Variants in SWI5 observed in about 807,000 individuals in gnomAD.
SWI5 encodes the protein DNA repair protein SWI5 homolog.
Under a neutral mutation model 17.0 loss-of-function variants are expected in SWI5, and 12 were observed. The observed-to-expected ratio is 0.71, with a 90% CI of 0.45 to 1.14. The LOEUF (loss-of-function observed/expected upper bound fraction) is 1.14. SWI5 is among the 50% of genes most tolerant of loss of function. SWI5 has a pLI of 0.00. For synonymous variants in SWI5, 61 were observed against 64.0 expected (o/e 0.95, Z 0.22); for missense variants, 158 against 162.2 (o/e 0.97, Z 0.14).
intron 4 of SWI5, among the ~76,000 whole-genome samples, chr9:128,287,596 G>A (rs1831666392): frequency 8.3e-6 from 1 of 121,134 alleles, no homozygotes; most frequent in Non-Finnish European, 1.6e-5. Flanking sequence ...GGGTCTCACT[G>A]TGTCACCCAG....
chr9:128,275,590 T>C (rs1831281951), upstream of SWI5: 7 of 1,002,016 alleles, frequency 7.0e-6, no homozygotes, highest in East Asian at 2.3e-4. Context: ...CCTAGGTCCT[T>C]GGAGACGCCA....
At chr9:128,276,026 T>C, upstream of SWI5, 1 of 1,590,756 alleles carries the variant, frequency 6.3e-7, no homozygotes, top group African/African-American at 1.4e-5. Context: ...ACCGCGCAGC[T>C]GTGCGACGGA....
chr9:128,281,724 A>G (rs1250596223), intron 2 of SWI5, among the ~76,000 whole-genome samples: 1 of 152,262 alleles, frequency 6.6e-6, no homozygotes, highest in Non-Finnish European at 1.5e-5. Flanking sequence ...ATGTAAAGCA[A>G]TGTAAGGCAA....
At chr9:128,284,844 T>C (rs1312781686) in intron 3 of SWI5, among the ~76,000 whole-genome samples, 1 of 150,562 alleles carries the variant, frequency 6.6e-6, no homozygotes, top group African/African-American at 2.4e-5. Flanking sequence ...TAGTCCCAGC[T>C]ACTTGGGAGG....
At chr9:128,277,694 C>T (rs1831448349) in intron 2 of SWI5, among the ~76,000 whole-genome samples, 1 of 152,222 alleles carries the variant, frequency 6.6e-6, no homozygotes, top group Admixed American at 6.5e-5. Context: ...CAAGTATGCA[C>T]ATGGTTCTGA....
At chr9:128,284,554 G>C (rs770768851) in exon 3 of SWI5, 4 of 1,614,008 alleles carry the variant, frequency 2.5e-6, no homozygotes, top group South Asian at 1.1e-5. Context: ...CCAGCGAGGA[G>C]TCTCTGCACC....
chr9:128,282,725 C>G (rs1263508988), intron 2 of SWI5, among the ~76,000 whole-genome samples: 2 of 152,222 alleles, frequency 1.3e-5, no homozygotes, highest in Non-Finnish European at 2.9e-5. Flanking sequence ...ACCAGGAAGA[C>G]CGTCTTCCTC....
Position 128,279,835 on chromosome 9 carries a change from T to C in SWI5, c.111+3080T>C, listed in dbSNP as rs558933840. Among the ~76,000 whole-genome samples, 5 of 152,108 alleles carry C rather than the reference T, an allele frequency of 3.3e-5. No homozygotes were observed. In the East Asian group the frequency reaches 7.8e-4, roughly 24 times the overall value. ...CTTTCACGGTCTGCTAGGTAACGGG[T>C]GCCTTCCCAGACACTGGCATTACCG... On this transcript the variant is annotated intron_variant, in intron 2 of 4. Coordinates refer to ENST00000418976, the Ensembl canonical transcript of SWI5.
At chr9:128,287,929 A>G (rs1319139462) in intron 4 of SWI5, among the ~76,000 whole-genome samples, 2 of 152,154 alleles carry the variant, frequency 1.3e-5, no homozygotes, top group African/African-American at 4.8e-5. Context: ...CAGAGTGCTG[A>G]GGACACTTGG....
In SWI5 at chr9:128,285,293, GGAAAGGAAGGAAGGAA is replaced by G. The variant is rs1270390511; in HGVS notation, c.234-640_234-625del. Among the ~76,000 whole-genome samples the G allele has an allele frequency of 6.6e-6, 1 of 151,028 alleles. No homozygotes were observed. The highest frequency in any genetic ancestry group is 2.4e-5 in the African/African-American group (1 of 41,104). ...GAAGGAAGGGAAAGGAAGGAAGGAA[GGAAAGGAAGGAAGGAA>G]GAAAGAAAGGAAGGACTATGCTTCT... On this transcript the variant is annotated intron_variant, in intron 3 of 4. Transcript: ENST00000418976. The surrounding 1 kb of genome is among the most constrained non-coding windows in gnomAD (Gnocchi z 4.8).
chr9:128,284,601 T>C (rs754470996), exon 3 of SWI5: 85 of 1,613,818 alleles, frequency 5.3e-5, no homozygotes, highest in Non-Finnish European at 6.9e-5. Context: ...AGGGACATGC[T>C]GGACAAGGAG....
rs533042139 is a variant in SWI5, at chr9:128,281,244, G to A, written c.112-3266G>A. On this transcript the variant is annotated intron_variant, in intron 2 of 4. Transcript: ENST00000418976. Reference sequence around the variant, plus strand: ...GTAGAGACAGGGTTTCACTATGTTGGCCAGGCTGGTCTCGAACTACTGACC... The same window carrying A: ...GTAGAGACAGGGTTTCACTATGTTGACCAGGCTGGTCTCGAACTACTGACC... 2.6e-5 allele frequency among the ~76,000 whole-genome samples: 4 copies of A among 151,580 alleles called. No homozygotes were observed. The South Asian group carries it at 8.4e-4, about 32-fold the overall frequency.
At chr9:128,277,324 G>A (rs982730048) in intron 2 of SWI5, among the ~76,000 whole-genome samples, 1 of 152,070 alleles carries the variant, frequency 6.6e-6, no homozygotes, top group Non-Finnish European at 1.5e-5. Flanking sequence ...GGCTGAGGCG[G>A]GCAGATCATT....
rs1025640568 is a variant in SWI5 at position 128,276,502 on chromosome 9, T to C, written c.62+100T>C. On this transcript the variant is annotated intron_variant, in intron 1 of 4. Coordinates refer to ENST00000418976, the Ensembl canonical transcript of SWI5. ...ATCACCTCCAAAGACTCCCATCCAG[T>C]GCTCCAGACAACCCCCGTCTCAGAA... 442 of 1,574,462 alleles carry C rather than the reference T, an allele frequency of 2.8e-4. 1 individual carries two copies. Among genetic ancestry groups the C allele is most frequent in the Middle Eastern group, 1.7e-4 (1 of 5,772 alleles).
At chr9:128,279,171 G>T (rs530270203) in intron 2 of SWI5, among the ~76,000 whole-genome samples, 1 of 152,120 alleles carries the variant, frequency 6.6e-6, no homozygotes. Context: ...GTGCCCGCTC[G>T]GCTGGCTCCT....
chr9:128,275,427 G>A (rs773782761), upstream of SWI5: 14 of 1,297,362 alleles, frequency 1.1e-5, no homozygotes, highest in Non-Finnish European at 1.4e-5. Flanking sequence ...GGGACCGCAG[G>A]GCCAGGACCC....
intron 4 of SWI5, among the ~76,000 whole-genome samples, chr9:128,286,847 G>A (rs1390370006): frequency 6.6e-6 from 1 of 152,028 alleles, no homozygotes; most frequent in Non-Finnish European, 1.5e-5. Flanking sequence ...TAGCCTAGTG[G>A]TTAAGAACAC....
At chr9:128,282,271 C>T (rs1025012211) in intron 2 of SWI5, among the ~76,000 whole-genome samples, 10 of 151,842 alleles carry the variant, frequency 6.6e-5, no homozygotes, top group Admixed American at 6.6e-4. Context: ...CCTGTAATCC[C>T]AGCTACTCAG....
intron 2 of SWI5, among the ~76,000 whole-genome samples, chr9:128,281,028 C>CTTTTTT (rs11306272): frequency 1.1e-4 from 5 of 43,778 alleles, no homozygotes; most frequent in Admixed American, 4.1e-4. Flanking sequence ...TTCAACCATG[C>CTTTTTT]TTTTTTTTTT....
Sources: gnomAD v4.1 joint callset for allele counts (sites outside exome capture counted in the v4.1 genomes callset) on GRCh38, gnomAD v4.1.1 for gene constraint, Gnocchi (gnomAD v3.1) non-coding constraint, MANE v1.5 for transcripts, NCBI Gene and HGNC (gene_info 2026-07-23, HGNC 2026-07-21) for gene names.